Variants in NEDD4 observed in about 807,000 individuals in gnomAD.
NEDD4 encodes NEDD4 E3 ubiquitin protein ligase, also known as E3 ubiquitin-protein ligase NEDD4.
A neutral mutation model predicts 144.9 loss-of-function variants in NEDD4; 99 were observed. The observed-to-expected ratio is 0.68, with a 90% CI of 0.58 to 0.81. The LOEUF (loss-of-function observed/expected upper bound fraction) is 0.81, where lower values mean the gene tolerates loss of function less well. Among genes scored for constraint, NEDD4 ranks in the 30% least tolerant of loss-of-function variants. The pLI, the probability that NEDD4 is intolerant of heterozygous loss-of-function variation, is 0.00. For missense variants in NEDD4, 985 were observed against 1,065.9 expected (o/e 0.92, Z 1.06); for synonymous variants, 318 against 350.6 (o/e 0.91, Z 1.04).
Position 55,869,579 on chromosome 15 carries a change from C to T in NEDD4, c.507G>A (p.Glu169=), listed in dbSNP as rs199857470. ...TAACCAAATATTTATAAAATCTCAC[C>T]TCTAATTCCTCAGCCTGTTCTGCAT... The part of the protein sequence containing the change: ...DDNAEQAEEL[E]PGWVVLDQPD... Residue 169 remains glutamate, a splice_region_variant and synonymous_variant, in exon 8 of 29, where the codon GAG becomes GAA. Coordinates refer to ENST00000435532, the MANE Select transcript of NEDD4 (RefSeq NM_006154.4). 3 of 1,554,868 alleles carry T rather than the reference C, an allele frequency of 1.9e-6. No homozygotes were observed. In the Admixed American group the frequency reaches 5.6e-5, roughly 29 times the overall value.
In NEDD4 at chr15:55,856,125, A is replaced by G. The variant is rs746263158; in HGVS notation, c.1026+6T>C. The G allele has an allele frequency of 1.9e-6, 3 of 1,610,262 alleles. No individual in the cohort carries two copies. The highest frequency in any genetic ancestry group is 2.5e-6 in the Non-Finnish European group (3 of 1,176,876). ...TTATTGATTGATGGGAGAGGGTAAA[A>G]CTCACCACAGGAAGTGTAGGTTGTT... On this transcript the variant is annotated splice_donor_region_variant and intron_variant, in intron 12 of 28. Transcript: ENST00000435532.
intron 5 of NEDD4, among the ~76,000 whole-genome samples, chr15:55,914,039 T>C (rs1255222891): frequency 6.6e-6 from 1 of 151,962 alleles, no homozygotes; most frequent in Non-Finnish European, 1.5e-5. Context: ...TTCTAAATTA[T>C]AGATCAGAAT....
intron 4 of NEDD4, among the ~76,000 whole-genome samples, chr15:55,930,507 C>T (rs190842255): frequency 3.0e-4 from 46 of 152,170 alleles, no homozygotes; most frequent in African/African-American, 1.1e-3. Context: ...GTTGGAATCC[C>T]CAAATGATAA....
At chr15:55,932,742 A>G (rs1451974436) in intron 4 of NEDD4, among the ~76,000 whole-genome samples, 1 of 151,820 alleles carries the variant, frequency 6.6e-6, no homozygotes, top group Non-Finnish European at 1.5e-5. Flanking sequence ...AACCTACAGA[A>G]TGGGAGAAAA....
At chr15:55,899,491 C>T (rs1196465968) in intron 5 of NEDD4, among the ~76,000 whole-genome samples, 3 of 152,160 alleles carry the variant, frequency 2.0e-5, no homozygotes, top group African/African-American at 7.2e-5. Context: ...ATGTGGGTTA[C>T]TGTTGCTTAA....
At chr15:55,896,244 C>T (rs990715379) in intron 5 of NEDD4, among the ~76,000 whole-genome samples, 6 of 152,140 alleles carry the variant, frequency 3.9e-5, no homozygotes, top group Non-Finnish European at 7.4e-5. Flanking sequence ...TGCAATGGCA[C>T]GATTTTGGCT....
At chr15:55,854,633 G>A (rs1291869164) in intron 12 of NEDD4, among the ~76,000 whole-genome samples, 4 of 152,130 alleles carry the variant, frequency 2.6e-5, no homozygotes, top group Admixed American at 6.6e-5. Context: ...AGGGATTGAG[G>A]GAACTTTTGG....
chr15:55,981,616 G>A (rs556822136), intron 1 of NEDD4, among the ~76,000 whole-genome samples: 2 of 152,208 alleles, frequency 1.3e-5, no homozygotes, highest in Non-Finnish European at 2.9e-5. Flanking sequence ...GTTTTTGACA[G>A]TAATAACCAT....
At chr15:55,948,272 C>G (rs1192365292) in intron 4 of NEDD4, among the ~76,000 whole-genome samples, 4 of 152,134 alleles carry the variant, frequency 2.6e-5, no homozygotes, top group Non-Finnish European at 1.5e-5. Flanking sequence ...TCAAGGAGAA[C>G]TACTCAAACT....
chr15:55,974,972 A>T (rs1372623195), intron 1 of NEDD4, among the ~76,000 whole-genome samples: 2 of 140,892 alleles, frequency 1.4e-5, no homozygotes, highest in Non-Finnish European at 3.0e-5. Flanking sequence ...AGCTCACTGC[A>T]ACCTCTGCCT....
intron 11 of NEDD4, among the ~76,000 whole-genome samples, chr15:55,859,822 T>G (rs567979659): frequency 6.6e-6 from 1 of 152,196 alleles, no homozygotes; most frequent in Admixed American, 6.5e-5. Flanking sequence ...AAGACCACTC[T>G]GTAATCGTGG....
At chr15:55,876,358 T>A (rs1413508959) in intron 5 of NEDD4, among the ~76,000 whole-genome samples, 5 of 151,994 alleles carry the variant, frequency 3.3e-5, no homozygotes, top group African/African-American at 1.2e-4. Context: ...TAAAGTTTTT[T>A]TTTTTTAAGG....
chr15:55,915,594 A>G, intron 5 of NEDD4: 2 of 1,613,924 alleles, frequency 1.2e-6, no homozygotes, highest in Non-Finnish European at 1.7e-6. Flanking sequence ...CATGAGCTTA[A>G]TATACTCTGA....
At chr15:55,983,613 CTTT>C (rs10711886) in intron 1 of NEDD4, among the ~76,000 whole-genome samples, 58 of 141,980 alleles carry the variant, frequency 4.1e-4, no homozygotes, top group African/African-American at 9.3e-4. Flanking sequence ...TTTAGATATA[CTTT>C]TTTTTTTTTT....
intron 5 of NEDD4, among the ~76,000 whole-genome samples, chr15:55,890,367 C>T (rs1333216961): frequency 6.6e-6 from 1 of 152,144 alleles, no homozygotes; most frequent in Non-Finnish European, 1.5e-5. Context: ...TTCCCCACCC[C>T]TCCTTCAGTC....
intron 18 of NEDD4, among the ~76,000 whole-genome samples, chr15:55,842,452 A>G (rs144785069): frequency 2.9e-4 from 44 of 152,302 alleles, no homozygotes; most frequent in African/African-American, 1.0e-3. Context: ...AGTGGCGTGA[A>G]CATGGCTTAC....
chr15:55,916,369 A>T lies in NEDD4; in HGVS notation c.291+8277T>A, dbSNP rs1293614924. On this transcript the variant is annotated intron_variant, in intron 5 of 28. Coordinates refer to ENST00000435532, the MANE Select transcript of NEDD4 (RefSeq NM_006154.4). ...CTGTAAGACCCATTATCACTGGTTG[A>T]AAAGTTACTAAGGCTACCACTACAA... 1.9e-6 allele frequency: 3 copies of T among 1,613,934 alleles called. No individual in the cohort carries two copies. Among genetic ancestry groups the T allele is most frequent in the Non-Finnish European group, 2.5e-6 (3 of 1,179,942 alleles).
chr15:55,911,976 C>T (rs955729338), intron 5 of NEDD4, among the ~76,000 whole-genome samples: 13 of 152,136 alleles, frequency 8.5e-5, no homozygotes, highest in African/African-American at 3.1e-4. Context: ...TTAAACAAGA[C>T]ACATCTACAG....
intron 1 of NEDD4, among the ~76,000 whole-genome samples, chr15:55,984,435 G>GA (rs1393152325): frequency 2.0e-5 from 3 of 152,188 alleles, no homozygotes; most frequent in East Asian, 3.9e-4. Context: ...GCTAAAGTAT[G>GA]AAAAAATCTA....
Sources: gnomAD v4.1 joint callset for allele counts (sites outside exome capture counted in the v4.1 genomes callset) on GRCh38, gnomAD v4.1.1 for gene constraint, MANE v1.5 for transcripts, NCBI Gene and HGNC (gene_info 2026-07-23, HGNC 2026-07-21) for gene names.